Variants in PSD3 observed in about 807,000 individuals in gnomAD.
PSD3 encodes PH and SEC7 domain-containing protein 3.
PSD3 carries 49 observed loss-of-function variants against 105.5 expected under a neutral mutation model. The observed-to-expected ratio is 0.46, with a 90% CI of 0.37 to 0.59. The LOEUF (loss-of-function observed/expected upper bound fraction) is 0.59. Among genes scored for constraint, PSD3 ranks in the 20% least tolerant of loss-of-function variants. The pLI is 0.00. For synonymous variants in PSD3, 557 were observed against 457.8 expected (o/e 1.22, Z -2.77); for missense variants, 1,561 against 1,263.8 (o/e 1.24, Z -3.57).
chr8:19,059,652 A>C (rs1540747), intron 1 of PSD3, among the ~76,000 whole-genome samples: 18,252 of 152,290 alleles, frequency 0.12, 1,450 homozygotes, highest in Non-Finnish European at 0.18. Context: ...AAATTTAAAA[A>C]ATTTCTACGT....
intron 1 of PSD3, among the ~76,000 whole-genome samples, chr8:19,020,771 G>T (rs886593410): frequency 2.0e-5 from 3 of 152,138 alleles, no homozygotes; most frequent in Admixed American, 1.3e-4. Context: ...GCTGATGCAT[G>T]AATGTACATT....
chr8:19,074,592 C>CATATATATATATATATATATAT (rs1240382273), intron 1 of PSD3, among the ~76,000 whole-genome samples: 10 of 65,986 alleles, frequency 1.5e-4, no homozygotes, highest in African/African-American at 4.2e-4. Flanking sequence ...CAGATATATA[C>CATATATATATATATATATATAT]ATATATATAT....
intron 11 of PSD3, among the ~76,000 whole-genome samples, chr8:18,621,245 T>TA (rs2130712572): frequency 6.6e-6 from 1 of 152,200 alleles, no homozygotes; most frequent in South Asian, 2.1e-4. Flanking sequence ...GCTTCTCTAC[T>TA]AAAAACACAA....
chr8:18,832,318 C>CT (rs34335110), intron 4 of PSD3, among the ~76,000 whole-genome samples: 183 of 149,050 alleles, frequency 1.2e-3, no homozygotes, highest in South Asian at 5.0e-3. Flanking sequence ...TATAAAACTG[C>CT]TTTTTTTTTT....
At position 18,768,036 on chromosome 8, in the gene PSD3, C is replaced by T. The variant is rs140794134; in HGVS notation, c.2083-2498G>A. Among the ~76,000 whole-genome samples the T allele has an allele frequency of 8.9e-3, 1,292 of 145,800 alleles. 20 individuals carry two copies. The highest frequency in any genetic ancestry group is 0.028 in the African/African-American group (1,091 of 39,664). ...CTATAATCCCAGCACTTTGGGAGGC[C>T]GAGACAGGCGGATCACTTGAGGTCA... On this transcript the variant is annotated intron_variant, in intron 8 of 15. Transcript: ENST00000327040.
intron 9 of PSD3, among the ~76,000 whole-genome samples, chr8:18,714,345 C>A (rs1185272179): frequency 6.6e-6 from 1 of 151,662 alleles, no homozygotes; most frequent in Admixed American, 6.6e-5. Flanking sequence ...AACATTCAAC[C>A]CACAGAATGG....
intron 9 of PSD3, among the ~76,000 whole-genome samples, chr8:18,736,602 C>A (rs1170300561): frequency 6.6e-6 from 1 of 152,118 alleles, no homozygotes; most frequent in African/African-American, 2.4e-5. Context: ...ATCAATGGGG[C>A]TGTAGTTCAA....
chr8:18,568,828 G>A (rs1397837846), intron 14 of PSD3, among the ~76,000 whole-genome samples: 1 of 151,386 alleles, frequency 6.6e-6, no homozygotes, highest in African/African-American at 2.4e-5. Context: ...CTAGCATTAG[G>A]TATATCTCCC....
chr8:18,552,179 C>A (rs111297098), intron 15 of PSD3, among the ~76,000 whole-genome samples: 5 of 152,304 alleles, frequency 3.3e-5, no homozygotes, highest in African/African-American at 1.2e-4. Context: ...CAGCTATTAA[C>A]CTGACCTTCA....
intron 10 of PSD3, among the ~76,000 whole-genome samples, chr8:18,652,568 G>C (rs1216814090): frequency 2.2e-5 from 3 of 135,158 alleles, no homozygotes; most frequent in African/African-American, 8.5e-5. Flanking sequence ...CACAATCTCA[G>C]CTCACTGCAA....
At chr8:18,557,878 G>A (rs1475301639) in intron 14 of PSD3, among the ~76,000 whole-genome samples, 2 of 152,218 alleles carry the variant, frequency 1.3e-5, no homozygotes, top group Non-Finnish European at 2.9e-5. Context: ...TGGATTGAAT[G>A]TGTCCACTCA....
chr8:18,549,230 A>ATCT (rs1800624980), intron 15 of PSD3, among the ~76,000 whole-genome samples: 1 of 142,678 alleles, frequency 7.0e-6, no homozygotes, highest in African/African-American at 2.7e-5. Flanking sequence ...TGCCCAGGCT[A>ATCT]GAGTGCAATG....
intron 9 of PSD3, among the ~76,000 whole-genome samples, chr8:18,758,111 C>A (rs1314121057): frequency 6.6e-6 from 1 of 152,036 alleles, no homozygotes; most frequent in Non-Finnish European, 1.5e-5. Flanking sequence ...CCAATGGTAA[C>A]ATCTGCAAAA....
rs150725185 is a variant in PSD3 at position 18,825,547 on chromosome 8, C to T, written c.1635-20649G>A. ...ATATGAGTGTTGAGGGGAAGAGAAT[C>T]CTATTCACTGGTACAAATTAACTCA... On this transcript the variant is annotated intron_variant, in intron 4 of 15. Coordinates refer to ENST00000327040, the MANE Select transcript of PSD3 (RefSeq NM_015310.4). Among the ~76,000 whole-genome samples, 210 of 152,260 alleles carry T rather than the reference C, an allele frequency of 1.4e-3. 2 individuals are homozygous for T. Among genetic ancestry groups the T allele is most frequent in the African/African-American group, 4.9e-3 (203 of 41,554 alleles).
chr8:18,963,562 C>G (rs1487183806), intron 1 of PSD3, among the ~76,000 whole-genome samples: 1 of 152,142 alleles, frequency 6.6e-6, no homozygotes, highest in Non-Finnish European at 1.5e-5. Flanking sequence ...GAGGGGTAAG[C>G]AGAGACCACC....
At chr8:18,657,629 G>T (rs1215998125) in intron 9 of PSD3, among the ~76,000 whole-genome samples, 1 of 151,716 alleles carries the variant, frequency 6.6e-6, no homozygotes. Context: ...TAATGTATCA[G>T]GAGGCTGAAC....
intron 1 of PSD3, among the ~76,000 whole-genome samples, chr8:18,991,367 CACACAT>C (rs1349693465): frequency 9.1e-4 from 48 of 52,904 alleles, no homozygotes; most frequent in South Asian, 7.4e-3. Flanking sequence ...CACACACACA[CACACAT>C]ACACACACAC....
intron 9 of PSD3, among the ~76,000 whole-genome samples, chr8:18,706,151 C>A (rs541590981): frequency 6.6e-6 from 1 of 152,136 alleles, no homozygotes; most frequent in African/African-American, 2.4e-5. Flanking sequence ...GATCTCCCAA[C>A]GAGAAGACGC....
At chr8:18,641,408 C>T (rs1467610549) in intron 10 of PSD3, among the ~76,000 whole-genome samples, 2 of 152,050 alleles carry the variant, frequency 1.3e-5, no homozygotes, top group Non-Finnish European at 2.9e-5. Flanking sequence ...GGTTCATCAT[C>T]CAGTAGGGGA....
Sources: gnomAD v4.1 joint callset for allele counts (sites outside exome capture counted in the v4.1 genomes callset) on GRCh38, gnomAD v4.1.1 for gene constraint, MANE v1.5 for transcripts, NCBI Gene and HGNC (gene_info 2026-07-23, HGNC 2026-07-21) for gene names.